LNPEP: variants seen among roughly 807,000 people sequenced by gnomAD.
LNPEP encodes the protein leucyl and cystinyl aminopeptidase, also known as leucyl-cystinyl aminopeptidase.
Under a neutral mutation model 120.6 loss-of-function variants are expected in LNPEP, and 64 were observed. That is an observed-to-expected ratio of 0.53 (90% CI 0.43 to 0.65). The LOEUF is 0.65. Ranked by LOEUF, LNPEP falls within the 30% of genes least tolerant of loss-of-function variation. The pLI is 0.00. For missense variants in LNPEP, 1,057 were observed against 1,200.0 expected (o/e 0.88, Z 1.76); for synonymous variants, 435 against 425.4 (o/e 1.02, Z -0.28).
Position 96,957,460 on chromosome 5 carries a change from G to A in LNPEP, c.19+21286G>A, listed in dbSNP as rs565313294. 2.2e-4 allele frequency among the ~76,000 whole-genome samples: 34 copies of A among 152,090 alleles called. 1 individual carries two copies. The South Asian group carries it at 6.2e-3, about 28-fold the overall frequency. On this transcript the variant is annotated intron_variant, in intron 1 of 17. Coordinates refer to ENST00000231368, the MANE Select transcript of LNPEP (RefSeq NM_005575.3). ...GGAGTTAGGTTGCAATTAGAGTTGC[G>A]GTTGCTAATCAGCTGACCTTAAAAT...
chr5:97,017,697 A>G (rs1791099154), intron 13 of LNPEP, among the ~76,000 whole-genome samples: 1 of 152,180 alleles, frequency 6.6e-6, no homozygotes, highest in African/African-American at 2.4e-5. Context: ...TGAGGTAATT[A>G]GTATGATATC....
At chr5:96,958,184 C>A (rs1366113191) in intron 1 of LNPEP, among the ~76,000 whole-genome samples, 1 of 152,184 alleles carries the variant, frequency 6.6e-6, no homozygotes, top group Non-Finnish European at 1.5e-5. Flanking sequence ...GACCCTATAA[C>A]CTATTATAAA....
chr5:96,955,422 C>T (rs1167409292), intron 1 of LNPEP, among the ~76,000 whole-genome samples: 1 of 152,102 alleles, frequency 6.6e-6, no homozygotes, highest in African/African-American at 2.4e-5. Flanking sequence ...CGAGACCAGC[C>T]TGGCCAACAA....
At chr5:96,954,608 CTCTCTCTCTCTA>C (rs1455075640) in intron 1 of LNPEP, among the ~76,000 whole-genome samples, 1 of 105,518 alleles carries the variant, frequency 9.5e-6, no homozygotes, top group African/African-American at 3.4e-5. Context: ...GTCTCTCTCT[CTCTCTCTCTCTA>C]TATATATATA....
intron 2 of LNPEP, among the ~76,000 whole-genome samples, chr5:96,984,085 G>A (rs1009917788): frequency 6.6e-6 from 1 of 152,068 alleles, no homozygotes; most frequent in African/African-American, 2.4e-5. Flanking sequence ...CACATGCACT[G>A]CTCTCTTGTG....
At chr5:96,951,483 C>T (rs1023341611) in intron 1 of LNPEP, among the ~76,000 whole-genome samples, 14 of 152,126 alleles carry the variant, frequency 9.2e-5, no homozygotes, top group Non-Finnish European at 1.9e-4. Context: ...TGGTCTCGAT[C>T]TCCTGACCTC....
chr5:96,948,863 T>TA (rs1211944059), intron 1 of LNPEP, among the ~76,000 whole-genome samples: 1 of 152,234 alleles, frequency 6.6e-6, no homozygotes, highest in African/African-American at 2.4e-5. Flanking sequence ...TACTGTATAG[T>TA]ATAGTATAAT....
chr5:96,990,857 A>G (rs1367534179), intron 4 of LNPEP, among the ~76,000 whole-genome samples: 1 of 152,236 alleles, frequency 6.6e-6, no homozygotes, highest in Non-Finnish European at 1.5e-5. Context: ...GAAGCCTCAC[A>G]TAAAGACAAT....
intron 1 of LNPEP, among the ~76,000 whole-genome samples, chr5:96,969,490 T>C (rs1185966131): frequency 6.6e-6 from 1 of 152,078 alleles, no homozygotes; most frequent in Non-Finnish European, 1.5e-5. Context: ...ACGGCTGGGC[T>C]TGTTAAAAGA....
intron 6 of LNPEP, among the ~76,000 whole-genome samples, chr5:96,994,578 G>A (rs1012190210): frequency 1.3e-5 from 2 of 151,842 alleles, no homozygotes; most frequent in African/African-American, 4.8e-5. Context: ...GAGAAAGAAA[G>A]AAAATTATAT....
At chr5:96,963,671 G>A (rs372952221) in intron 1 of LNPEP, among the ~76,000 whole-genome samples, 16 of 152,160 alleles carry the variant, frequency 1.1e-4, no homozygotes, top group South Asian at 4.1e-4. Flanking sequence ...CAAGTTACAA[G>A]GCTGGATTCA....
In LNPEP at chr5:96,954,705, TATATAC is replaced by T. The variant is rs1789406366; in HGVS notation, c.19+18533_19+18538del. 9.4e-5 allele frequency among the ~76,000 whole-genome samples: 10 copies of T among 106,222 alleles called. 2 individuals are homozygous for T. The highest frequency in any genetic ancestry group is 1.1e-4 in the African/African-American group (3 of 26,532). 69.7% of individuals were successfully genotyped at this position (106,222 alleles called of 152,430 possible). A position where few individuals can be genotyped will look rare whatever the true frequency, so the allele number is the denominator to read the frequency against. Reference sequence around the variant, plus strand: ...ATATACATATATACACATATATACATATATACACATATATATACATATATATATACA... The same window carrying T: ...ATATACATATATACACATATATACATACATATATATACATATATATATACA... On this transcript the variant is annotated intron_variant, in intron 1 of 17. Transcript: ENST00000231368.
At chr5:96,996,364 G>A (rs1790516548) in intron 6 of LNPEP, 26 bp from the exon 7 acceptor site, 2 of 1,233,360 alleles carry the variant, frequency 1.6e-6, no homozygotes, top group East Asian at 2.4e-5. Flanking sequence ...AATATCCTGT[G>A]GGTTAATTGT....
At chr5:97,010,351 G>A (rs1790896478) in intron 11 of LNPEP, 1 of 983,586 alleles carries the variant, frequency 1.0e-6, no homozygotes, top group Non-Finnish European at 1.2e-6. Context: ...GTCATTGGAA[G>A]AAAAGGTAAT....
chr5:97,009,681 CTTG>C (rs907633283), intron 11 of LNPEP, among the ~76,000 whole-genome samples: 5 of 88,214 alleles, frequency 5.7e-5, no homozygotes, highest in African/African-American at 2.2e-4. Context: ...TGTTATTTCC[CTTG>C]CTGCTGCTGC....
rs561393465 is a variant in LNPEP at position 97,037,343 on chromosome 5, A to G, written c.*8810A>G. ...AAACATTTTGAAAATATGTATATATAATATTGTATATGCAAATTGTGTTGT... is the reference window on the plus strand; with the variant it reads ...AAACATTTTGAAAATATGTATATATGATATTGTATATGCAAATTGTGTTGT... On this transcript the variant is annotated 3_prime_UTR_variant, in exon 18 of 18. Transcript: ENST00000231368. 1.2e-4 allele frequency: 19 copies of G among 152,290 alleles called. No homozygotes were observed. The highest frequency in any genetic ancestry group is 4.6e-4 in the African/African-American group (19 of 41,574). 9.4% of individuals were successfully genotyped at this position (152,290 alleles called of 1,614,324 possible).
At chr5:96,984,098 C>T (rs1024536516) in intron 2 of LNPEP, among the ~76,000 whole-genome samples, 3 of 152,126 alleles carry the variant, frequency 2.0e-5, no homozygotes, top group African/African-American at 7.2e-5. Flanking sequence ...CTCTTGTGTT[C>T]CCGGACCAAA....
chr5:97,033,875 A>G lies in LNPEP; in HGVS notation c.*5342A>G, dbSNP rs1027493868. On this transcript the variant is annotated 3_prime_UTR_variant, in exon 18 of 18. Transcript: ENST00000231368. ...GCCATGGAGTTATGGATGTATAACAATCTGTTCTCCCTTTACCCTTTTAAT... is the reference window on the plus strand; with the variant it reads ...GCCATGGAGTTATGGATGTATAACAGTCTGTTCTCCCTTTACCCTTTTAAT... 7 of 152,102 alleles carry G rather than the reference A, an allele frequency of 4.6e-5. No homozygotes were observed. The highest frequency in any genetic ancestry group is 1.3e-4 in the Admixed American group (2 of 15,264). 9.4% of individuals were successfully genotyped at this position (152,102 alleles called of 1,614,324 possible).
chr5:96,958,536 A>G lies in LNPEP; in HGVS notation c.20-20602A>G, dbSNP rs568170699. Reference sequence around the variant, plus strand: ...TGGGGACTAGTTGTATTAGTTTTCTATTGCCACCATAACAAATTACCACAA... The same window carrying G: ...TGGGGACTAGTTGTATTAGTTTTCTGTTGCCACCATAACAAATTACCACAA... On this transcript the variant is annotated intron_variant, in intron 1 of 17. Transcript: ENST00000231368. The G allele has an allele frequency of 3.8e-4, 366 of 968,530 alleles. 2 individuals are homozygous for G. In the African/African-American group the frequency reaches 6.2e-3, roughly 16 times the overall value. The allele number at this position is 968,530 out of a possible 1,614,324, so 60.0% of individuals were successfully genotyped here. A position where few individuals can be genotyped will look rare whatever the true frequency, so the allele number is the denominator to read the frequency against.
Sources: gnomAD v4.1 joint callset for allele counts (sites outside exome capture counted in the v4.1 genomes callset) on GRCh38, gnomAD v4.1.1 for gene constraint, MANE v1.5 for transcripts, NCBI Gene and HGNC (gene_info 2026-07-23, HGNC 2026-07-21) for gene names.